Variants in TNFSF11 observed in about 807,000 individuals in gnomAD.
The protein encoded by TNFSF11 is tumor necrosis factor ligand superfamily member 11.
In TNFSF11, 12 loss-of-function variants were observed where a neutral mutation model predicts 32.2. The observed-to-expected ratio is 0.37, with a 90% CI of 0.24 to 0.60. The LOEUF is 0.60. TNFSF11 is among the 20% of genes least tolerant of loss of function. TNFSF11 has a pLI of 0.66. For missense variants in TNFSF11, 345 were observed against 398.0 expected (o/e 0.87, Z 1.13); for synonymous variants, 172 against 152.1 (o/e 1.13, Z -0.96).
intron 2 of TNFSF11, among the ~76,000 whole-genome samples, chr13:42,591,207 G>A (rs1868453879): frequency 6.6e-6 from 1 of 152,192 alleles, no homozygotes; most frequent in Non-Finnish European, 1.5e-5. Context: ...TTGGCTTTGG[G>A]AGAATTTGAT....
chr13:42,574,341 G>T lies in TNFSF11; in HGVS notation c.38G>T (p.Arg13Leu), dbSNP rs374798454. The T allele has an allele frequency of 7.8e-6, 12 of 1,545,732 alleles. No individual in the cohort carries two copies. The change falls in exon 1 of 5, where the codon CGT (arginine) becomes CTT (leucine). Residue 13 changes from arginine (R) to leucine (L), a missense_variant. Transcript: ENST00000398795. ...RASRDYTKYL[R>L]GSEEMGGGPG... ...AGCAGAGACTACACCAAGTACCTGC[G>T]TGGCTCGGAGGAGATGGGCGGCGGC... is the stretch of plus-strand genomic sequence containing the variant.
intron 2 of TNFSF11, among the ~76,000 whole-genome samples, chr13:42,587,789 T>C (rs1873968727): frequency 1.3e-5 from 2 of 152,228 alleles, no homozygotes. Context: ...TCCCCTTGGA[T>C]TGCAATCTCC....
chr13:42,601,670 T>C lies in TNFSF11; in HGVS notation c.532+689T>C, dbSNP rs975121431. Among the ~76,000 whole-genome samples the C allele has an allele frequency of 2.6e-5, 4 of 152,128 alleles. No individual in the cohort carries two copies. The South Asian group carries it at 8.3e-4, about 32-fold the overall frequency. Reference sequence around the variant, plus strand: ...TTTATGATACAGTGACAATTGAACATTCTTGTTATCATCATGCCACTAATG... The same window carrying C: ...TTTATGATACAGTGACAATTGAACACTCTTGTTATCATCATGCCACTAATG... On this transcript the variant is annotated intron_variant, in intron 4 of 4. Coordinates refer to ENST00000398795, the MANE Select transcript of TNFSF11 (RefSeq NM_003701.4).
chr13:42,606,271 G>T (rs1044214264), intron 4 of TNFSF11, among the ~76,000 whole-genome samples: 8 of 152,186 alleles, frequency 5.3e-5, no homozygotes, highest in Non-Finnish European at 1.0e-4. Flanking sequence ...CGCCTTGAGG[G>T]CAGGAAAAAT....
At chr13:42,595,430 G>A (rs544613577) in intron 2 of TNFSF11, among the ~76,000 whole-genome samples, 6 of 152,252 alleles carry the variant, frequency 3.9e-5, no homozygotes, top group Admixed American at 1.3e-4. Flanking sequence ...TGATCCTAGC[G>A]TGTAACAGAT....
chr13:42,604,291 T>G (rs918728700), intron 4 of TNFSF11, among the ~76,000 whole-genome samples: 1 of 152,220 alleles, frequency 6.6e-6, no homozygotes, highest in Non-Finnish European at 1.5e-5. Context: ...CTAGTGTTCA[T>G]GAAGGTGTGA....
chr13:42,607,000 G>A lies in TNFSF11; in HGVS notation c.*82G>A. ...CAAGCCAAGAAAGATGTATATAGGT[G>A]TGTGAGACTACTAAGAGGCATGGCC... On this transcript the variant is annotated 3_prime_UTR_variant, in exon 5 of 5. Transcript: ENST00000398795. 1.3e-6 allele frequency: 2 copies of A among 1,573,560 alleles called. No individual in the cohort carries two copies. The highest frequency in any genetic ancestry group is 1.7e-6 in the Non-Finnish European group (2 of 1,148,618).
At chr13:42,583,417 T>TAAAAAAAAA (rs71747752) in intron 2 of TNFSF11, among the ~76,000 whole-genome samples, 304 of 24,528 alleles carry the variant, frequency 0.012, 5 homozygotes, top group Non-Finnish European at 0.016. Flanking sequence ...AAGACCCTGC[T>TAAAAAAAAA]AAAAAAAAAA....
chr13:42,597,340 C>CTTTTTTTT (rs774612741), intron 2 of TNFSF11, among the ~76,000 whole-genome samples: 1 of 125,758 alleles, frequency 8.0e-6, no homozygotes. Context: ...GCCTTTTGTT[C>CTTTTTTTT]TTTTTTTTTT....
chr13:42,581,346 A>G (rs1209352884), intron 2 of TNFSF11, 53 bp downstream of exon 2: 1 of 1,599,184 alleles, frequency 6.3e-7, no homozygotes, highest in African/African-American at 1.3e-5. Context: ...CTCTACCAAT[A>G]CTGAAAATTA....
chr13:42,572,428 A>G (rs974875845), upstream of TNFSF11, among the ~76,000 whole-genome samples: 1 of 152,236 alleles, frequency 6.6e-6, no homozygotes, highest in Non-Finnish European at 1.5e-5. Flanking sequence ...ATCAATATTT[A>G]TAAGAAAGAA....
chr13:42,579,662 A>ACTTTTCTG (rs1170792047), intron 1 of TNFSF11, among the ~76,000 whole-genome samples: 2 of 136,928 alleles, frequency 1.5e-5, no homozygotes, highest in East Asian at 4.6e-4. Flanking sequence ...AGTTGCCTGG[A>ACTTTTCTG]CTTTTCTGGT....
chr13:42,599,701 C>T (rs1032929189), intron 2 of TNFSF11, among the ~76,000 whole-genome samples: 38 of 152,190 alleles, frequency 2.5e-4, no homozygotes, highest in African/African-American at 8.4e-4. Context: ...TCTTGAGTAG[C>T]TGGGATTATA....
In TNFSF11 at chr13:42,607,139, G is replaced by A; in HGVS notation, c.*221G>A. On this transcript the variant is annotated 3_prime_UTR_variant, in exon 5 of 5. Transcript: ENST00000398795. ...TGTTACACAATGGTTTTTAAATTTT[G>A]TAATGAATTCCTAGAATTAAACCAG... 1 of 561,338 alleles carries A rather than the reference G, an allele frequency of 1.8e-6. No homozygotes were observed. The highest frequency in any genetic ancestry group is 3.0e-6 in the Non-Finnish European group (1 of 328,312). 34.8% of individuals were successfully genotyped at this position (561,338 alleles called of 1,614,324 possible). A position where few individuals can be genotyped will look rare whatever the true frequency, so the allele number is the denominator to read the frequency against.
intron 1 of TNFSF11, among the ~76,000 whole-genome samples, chr13:42,565,791 A>G (rs1251564311): frequency 1.3e-5 from 2 of 152,200 alleles, no homozygotes; most frequent in Admixed American, 1.3e-4. Context: ...TTCGTGATAA[A>G]TGGATCAATC....
rs578030944 is a variant in TNFSF11 at position 42,575,076 on chromosome 13, A to G, written c.219+554A>G. On this transcript the variant is annotated intron_variant, in intron 1 of 4. Transcript: ENST00000398795. Reference sequence around the variant, plus strand: ...GCGGTGCTCGTGCCCAGGTCGCCCAATGGGTGGGCAGAATGACACGGCGCG... The same window carrying G: ...GCGGTGCTCGTGCCCAGGTCGCCCAGTGGGTGGGCAGAATGACACGGCGCG... Among the ~76,000 whole-genome samples the G allele has an allele frequency of 2.1e-3, 315 of 152,136 alleles. 1 individual carries two copies. The highest frequency in any genetic ancestry group is 3.6e-3 in the Non-Finnish European group (243 of 67,988).
At chr13:42,580,862 A>G (rs1051783564) in intron 1 of TNFSF11, among the ~76,000 whole-genome samples, 1 of 152,182 alleles carries the variant, frequency 6.6e-6, no homozygotes, top group African/African-American at 2.4e-5. Context: ...TCCCCCATGA[A>G]TCACGCACAT....
At chr13:42,604,175 TTGAC>T (rs1869327123) in intron 4 of TNFSF11, among the ~76,000 whole-genome samples, 2 of 152,150 alleles carry the variant, frequency 1.3e-5, no homozygotes, top group Admixed American at 1.3e-4. Flanking sequence ...GAACAACAAA[TTGAC>T]TGCAAGAGTG....
chr13:42,578,027 T>A (rs533193745), intron 1 of TNFSF11, among the ~76,000 whole-genome samples: 2 of 152,356 alleles, frequency 1.3e-5, no homozygotes, highest in East Asian at 3.8e-4. Context: ...GAAGTGTAAG[T>A]TCCATGAAGA....
Sources: gnomAD v4.1 joint callset for allele counts (sites outside exome capture counted in the v4.1 genomes callset) on GRCh38, gnomAD v4.1.1 for gene constraint, MANE v1.5 for transcripts, NCBI Gene and HGNC (gene_info 2026-07-23, HGNC 2026-07-21) for gene names.